SCN9A: variants seen among roughly 807,000 people sequenced by gnomAD.
The protein encoded by SCN9A is sodium channel protein type 9 subunit alpha.
SCN9A carries 131 observed loss-of-function variants against 187.0 expected under a neutral mutation model. That is an observed-to-expected ratio of 0.70 (90% CI 0.61 to 0.81). SCN9A has a LOEUF of 0.81. SCN9A is among the 30% of genes least tolerant of loss of function. The probability of loss-of-function intolerance (pLI) is 0.00; values close to 1 mark genes in which losing one functional copy is unlikely to be tolerated. For synonymous variants in SCN9A, 809 were observed against 808.6 expected, an observed-to-expected ratio of 1.00 and a Z score of -0.01; for missense variants, 2,252 against 2,396.6, an observed-to-expected ratio of 0.94 and a Z score of 1.26.
intron 17 of SCN9A, among the ~76,000 whole-genome samples, chr2:166,267,948 T>C (rs1696812149): frequency 6.6e-6 from 1 of 151,976 alleles, no homozygotes; most frequent in Non-Finnish European, 1.5e-5. Context: ...AAGGATATGA[T>C]CCAGAACAGG....
At chr2:166,355,520 T>G (rs1012418450) in intron 1 of SCN9A, among the ~76,000 whole-genome samples, 52 of 152,168 alleles carry the variant, frequency 3.4e-4, no homozygotes, top group African/African-American at 1.3e-3. Flanking sequence ...TGTGTGTGTG[T>G]GGGTGTGTGT....
At chr2:166,247,335 T>C (rs1695839945) in intron 18 of SCN9A, among the ~76,000 whole-genome samples, 1 of 151,946 alleles carries the variant, frequency 6.6e-6, no homozygotes, top group Non-Finnish European at 1.5e-5. Context: ...AAAACAAATA[T>C]TTGTTAACAT....
intron 21 of SCN9A, among the ~76,000 whole-genome samples, chr2:166,229,718 G>T (rs528665243): frequency 1.3e-5 from 2 of 152,186 alleles, no homozygotes; most frequent in East Asian, 3.9e-4. Context: ...CAAAAATTAG[G>T]AACAGTTTTT....
chr2:166,316,402 T>C (rs1205473584), intron 1 of SCN9A, among the ~76,000 whole-genome samples: 2 of 152,152 alleles, frequency 1.3e-5, no homozygotes, highest in Non-Finnish European at 2.9e-5. Flanking sequence ...AAGTAATAAA[T>C]AATGTGTACT....
At chr2:166,280,967 AATAAG>A (rs911891965) in intron 13 of SCN9A, among the ~76,000 whole-genome samples, 1 of 152,208 alleles carries the variant, frequency 6.6e-6, no homozygotes, top group African/African-American at 2.4e-5. Flanking sequence ...CCATGACAAC[AATAAG>A]ATGAGACTAT....
At chr2:166,233,890 T>C (rs975808177) in intron 20 of SCN9A, among the ~76,000 whole-genome samples, 4 of 152,158 alleles carry the variant, frequency 2.6e-5, no homozygotes, top group Non-Finnish European at 5.9e-5. Flanking sequence ...ATCTATGTCT[T>C]AGTATAAATC....
chr2:166,316,248 A>C (rs1164309147), intron 1 of SCN9A, among the ~76,000 whole-genome samples: 1 of 152,170 alleles, frequency 6.6e-6, no homozygotes, highest in Non-Finnish European at 1.5e-5. Flanking sequence ...ACCATGTCAA[A>C]CCTCACTAGT....
chr2:166,290,063 C>T (rs1253466642), intron 9 of SCN9A, among the ~76,000 whole-genome samples: 2 of 152,102 alleles, frequency 1.3e-5, no homozygotes, highest in Admixed American at 1.3e-4. Context: ...TTCTCCCTCC[C>T]CTTGCCTCCC....
At chr2:166,218,829 G>A (rs1192103609) in intron 24 of SCN9A, among the ~76,000 whole-genome samples, 1 of 152,004 alleles carries the variant, frequency 6.6e-6, no homozygotes, top group Non-Finnish European at 1.5e-5. Flanking sequence ...ATCTGACAAA[G>A]GTCTAATATC....
intron 1 of SCN9A, among the ~76,000 whole-genome samples, chr2:166,355,964 G>A (rs1700143549): frequency 6.6e-6 from 1 of 151,978 alleles, no homozygotes; most frequent in Non-Finnish European, 1.5e-5. Context: ...GTAGCGACAG[G>A]GTTTCACCAT....
chr2:166,302,388 A>T (rs1357365403), intron 7 of SCN9A: 1 of 152,208 alleles, frequency 6.6e-6, no homozygotes, highest in African/African-American at 2.4e-5. Context: ...GACTTCTGAG[A>T]GTGCATACAG....
chr2:166,226,553 T>C lies in SCN9A; in HGVS notation c.4398+14A>G, dbSNP rs759259699. On this transcript the variant is annotated intron_variant, in intron 24 of 26. Coordinates refer to ENST00000642356, the MANE Select transcript of SCN9A (RefSeq NM_001365536.1). ...ATCCCTTTCATTACAATGAAAAATATTTGAAATACTTATCTTCTTTTTCTG... is the reference window on the plus strand; with the variant it reads ...ATCCCTTTCATTACAATGAAAAATACTTGAAATACTTATCTTCTTTTTCTG... 6 of 1,516,150 alleles carry C rather than the reference T, an allele frequency of 4.0e-6. No homozygotes were observed. In the East Asian group the frequency reaches 6.9e-5, roughly 17 times the overall value. 93.9% of individuals were successfully genotyped at this position (1,516,150 alleles called of 1,614,324 possible). A position where few individuals can be genotyped will look rare whatever the true frequency, so the allele number is the denominator to read the frequency against.
At chr2:166,374,748 C>A (rs1233643033) in intron 1 of SCN9A, among the ~76,000 whole-genome samples, 1 of 151,938 alleles carries the variant, frequency 6.6e-6, no homozygotes, top group Admixed American at 6.6e-5. Context: ...AAGAACTGAA[C>A]TTCCCAACAC....
At chr2:166,205,814 C>A (rs543233775) in intron 24 of SCN9A, among the ~76,000 whole-genome samples, 2 of 151,706 alleles carry the variant, frequency 1.3e-5, no homozygotes, top group East Asian at 3.9e-4. Context: ...AACAAATTTA[C>A]AAGAAAAAAA....
At chr2:166,305,666 C>T in intron 5 of SCN9A, 126 bp downstream of exon 5, 2 of 1,285,238 alleles carry the variant, frequency 1.6e-6, no homozygotes, top group Non-Finnish European at 1.1e-6. Flanking sequence ...ATATAGCTTC[C>T]ATTTTCCTTT....
At chr2:166,216,910 A>G (rs924026504) in intron 24 of SCN9A, among the ~76,000 whole-genome samples, 2 of 152,124 alleles carry the variant, frequency 1.3e-5, no homozygotes, top group African/African-American at 4.8e-5. Flanking sequence ...AATAAAAAAG[A>G]TGCTAAATGG....
At chr2:166,371,305 T>C (rs899082334) in intron 1 of SCN9A, among the ~76,000 whole-genome samples, 1 of 152,224 alleles carries the variant, frequency 6.6e-6, no homozygotes, top group Non-Finnish European at 1.5e-5. Flanking sequence ...TTCAAACTTG[T>C]CTGTGGCAGA....
chr2:166,288,719 G>A, intron 9 of SCN9A, 76 bp from the exon 10 acceptor site: 3 of 1,084,806 alleles, frequency 2.8e-6, no homozygotes, highest in South Asian at 1.9e-5. Flanking sequence ...ACAGGCATGA[G>A]CAAATCTGAC....
intron 1 of SCN9A, among the ~76,000 whole-genome samples, chr2:166,360,080 T>C (rs1299409292): frequency 1.3e-5 from 2 of 150,802 alleles, no homozygotes; most frequent in Non-Finnish European, 3.0e-5. Flanking sequence ...AATTAGCTGG[T>C]CATGGTGGCG....
Sources: gnomAD v4.1 joint callset for allele counts (sites outside exome capture counted in the v4.1 genomes callset) on GRCh38, gnomAD v4.1.1 for gene constraint, MANE v1.5 for transcripts, NCBI Gene and HGNC (gene_info 2026-07-23, HGNC 2026-07-21) for gene names.